RNF126: variants seen among roughly 807,000 people sequenced by gnomAD.
RNF126 encodes the protein E3 ubiquitin-protein ligase RNF126.
In RNF126, 20 loss-of-function variants were observed where a neutral mutation model predicts 41.9. The observed-to-expected ratio is 0.48, with a 90% CI of 0.34 to 0.69. The LOEUF (loss-of-function observed/expected upper bound fraction) is 0.69, where lower values mean the gene tolerates loss of function less well. RNF126 is among the 30% of genes least tolerant of loss of function. The pLI is 0.01. For missense variants in RNF126, 433 were observed against 460.6 expected, an observed-to-expected ratio of 0.94 and a Z score of 0.55; for synonymous variants, 239 against 202.9, an observed-to-expected ratio of 1.18 and a Z score of -1.51.
intron 1 of RNF126, among the ~76,000 whole-genome samples, chr19:658,814 C>G (rs1168615025): frequency 6.6e-6 from 1 of 152,214 alleles, no homozygotes; most frequent in East Asian, 1.9e-4. Flanking sequence ...CTTCAGGCAC[C>G]ACCACTAGGG....
At chr19:654,169 C>T (rs1413466413) in intron 1 of RNF126, among the ~76,000 whole-genome samples, 1 of 152,226 alleles carries the variant, frequency 6.6e-6, no homozygotes, top group Non-Finnish European at 1.5e-5. Context: ...CACTGAAGCA[C>T]AGGCTGGGTG....
chr19:663,131 C>A lies in RNF126; in HGVS notation c.-10G>T. The A allele has an allele frequency of 8.1e-7, 1 of 1,239,842 alleles. No homozygotes were observed. The highest frequency in any genetic ancestry group is 1.0e-6 in the Non-Finnish European group (1 of 986,250). The allele number at this position is 1,239,842 out of a possible 1,614,324, so 76.8% of individuals were successfully genotyped here. On this transcript the variant is annotated 5_prime_UTR_variant, in exon 1 of 9. Coordinates refer to ENST00000292363, the MANE Select transcript of RNF126 (RefSeq NM_194460.3). The stretch of plus-strand genomic sequence containing the variant: ...GCGACGCCTCGGCCATGGCCGCCGC[C>A]ACCTACTCCGCGCCGCCCGCCCCCC...
intron 1 of RNF126, among the ~76,000 whole-genome samples, chr19:656,356 A>G (rs1241696103): frequency 6.6e-6 from 1 of 151,986 alleles, no homozygotes; most frequent in Non-Finnish European, 1.5e-5. Context: ...AAAAAGAAAG[A>G]AACAAAGAAA....
At chr19:654,556 T>C (rs942378255) in intron 1 of RNF126, among the ~76,000 whole-genome samples, 2 of 136,918 alleles carry the variant, frequency 1.5e-5, no homozygotes, top group East Asian at 2.3e-4. Context: ...GGCAGGAGAA[T>C]TGCTTGAGCC....
rs376030251 is a variant in RNF126 at position 652,035 on chromosome 19, G to A, written c.199-180C>T. ...CTGCCCCGCTGGTGTGAGATGCCTC[G>A]GTGGAAGTTTCGCTTTCATCCAAGA... is the stretch of plus-strand genomic sequence containing the variant. On this transcript the variant is annotated intron_variant, in intron 3 of 8. Coordinates refer to ENST00000292363, the MANE Select transcript of RNF126 (RefSeq NM_194460.3). 152 of 690,694 alleles carry A rather than the reference G, an allele frequency of 2.2e-4. 1 individual carries two copies. The East Asian group carries it at 3.5e-3, about 16-fold the overall frequency. The allele number at this position is 690,694 out of a possible 1,614,324, so 42.8% of individuals were successfully genotyped here.
chr19:654,742 G>A (rs181797268), intron 1 of RNF126, among the ~76,000 whole-genome samples: 51 of 147,902 alleles, frequency 3.4e-4, no homozygotes, highest in African/African-American at 1.3e-3. Context: ...CGAGGCAGGC[G>A]AATCACCTGA....
intron 1 of RNF126, among the ~76,000 whole-genome samples, chr19:654,406 G>T (rs1568192591): frequency 6.6e-6 from 1 of 152,310 alleles, no homozygotes; most frequent in East Asian, 1.9e-4. Flanking sequence ...ACTTCGGGAG[G>T]CCGAGGCGGG....
Position 651,784 on chromosome 19 carries a change from G to C in RNF126, c.270C>G (p.Ser90Arg). The change falls in exon 4 of 9, where the codon AGC becomes AGG. Residue 90 changes from serine (S) to arginine (R), a missense_variant. Physicochemically the swap from Ser to Arg is moderately radical, Grantham distance 110. This residue lies in a region of RNF126 where 247 missense variants were observed against 224.7 expected (regional missense o/e 1.10). Coordinates refer to ENST00000292363, the MANE Select transcript of RNF126 (RefSeq NM_194460.3). The stretch of plus-strand genomic sequence containing the variant: ...CAGGAGGGAACGTGGGGATCTCGAA[G>C]CTGTCATCGAAGATGCCGAAAGCAA... The part of the protein sequence containing the change: ...GQFAFGIFDD[S>R]FEIPTFPPGA... 6.2e-7 allele frequency: 1 copy of C among 1,612,816 alleles called. No individual in the cohort carries two copies. Among genetic ancestry groups the C allele is most frequent in the Non-Finnish European group, 8.5e-7 (1 of 1,179,870 alleles).
At chr19:654,524 T>C (rs1041205618) in intron 1 of RNF126, among the ~76,000 whole-genome samples, 10 of 150,248 alleles carry the variant, frequency 6.7e-5, no homozygotes, top group African/African-American at 9.9e-5. Context: ...GCGCCTGTAA[T>C]CCCAGCTACT....
At chr19:661,882 G>T (rs762721857) in intron 1 of RNF126, among the ~76,000 whole-genome samples, 2 of 152,158 alleles carry the variant, frequency 1.3e-5, no homozygotes, top group Non-Finnish European at 2.9e-5. Flanking sequence ...CCTCAAGCTG[G>T]CCAAGCGGCT....
chr19:652,890 G>A lies in RNF126; in HGVS notation c.76-6C>T, dbSNP rs1205825896. The A allele has an allele frequency of 2.5e-6, 4 of 1,611,786 alleles. No individual in the cohort carries two copies. The African/African-American group carries it at 5.3e-5, about 22-fold the overall frequency. On this transcript the variant is annotated splice_polypyrimidine_tract_variant and splice_region_variant and intron_variant, in intron 1 of 8. Coordinates refer to ENST00000292363, the MANE Select transcript of RNF126 (RefSeq NM_194460.3). ...CATCTTGGACAGATATAATCCTGCA[G>A]GAGAGAACAGGAGGCCGGGTCACGG... is the stretch of plus-strand genomic sequence containing the variant.
intron 1 of RNF126, among the ~76,000 whole-genome samples, chr19:656,729 T>C (rs1442560596): frequency 2.0e-5 from 3 of 152,218 alleles, no homozygotes; most frequent in Admixed American, 2.0e-4. Context: ...GTGGGAGCAG[T>C]GTGGCTCTGC....
chr19:663,043 T>C lies in RNF126; in HGVS notation c.75+4A>G. On this transcript the variant is annotated splice_donor_region_variant and intron_variant, in intron 1 of 8. Transcript: ENST00000292363. ...GCCGCCCGCCGCCCCGGCCCGGGCC[T>C]CACCGGCAGGCGCGGGACGATCTCC... is the stretch of plus-strand genomic sequence containing the variant. 2 of 1,361,712 alleles carry C rather than the reference T, an allele frequency of 1.5e-6. No individual in the cohort carries two copies. The highest frequency in any genetic ancestry group is 3.1e-5 in the South Asian group (2 of 63,746). The allele number at this position is 1,361,712 out of a possible 1,614,324, so 84.4% of individuals were successfully genotyped here.
intron 1 of RNF126, among the ~76,000 whole-genome samples, chr19:653,116 G>A (rs547479140): frequency 3.1e-4 from 46 of 150,664 alleles, no homozygotes; most frequent in Middle Eastern, 6.9e-3. Context: ...CCTCCGACCT[G>A]GCCCCACCGT....
chr19:661,071 G>A (rs911485292), intron 1 of RNF126, among the ~76,000 whole-genome samples: 3 of 152,260 alleles, frequency 2.0e-5, no homozygotes, highest in African/African-American at 7.2e-5. Context: ...TGAGGGCAAA[G>A]ACCACAGCGG....
chr19:651,575 G>A (rs769259105), intron 4 of RNF126, 36 bp downstream of exon 4: 63 of 1,388,970 alleles, frequency 4.5e-5, no homozygotes, highest in South Asian at 8.1e-5. Context: ...ACCTCAAGGC[G>A]TGGGGCCCTC....
At chr19:658,123 C>G (rs1161481380) in intron 1 of RNF126, among the ~76,000 whole-genome samples, 1 of 152,052 alleles carries the variant, frequency 6.6e-6, no homozygotes, top group East Asian at 1.9e-4. Context: ...GGTACGATCA[C>G]CCGGCATCAT....
chr19:650,700 C>A (rs1600630207), intron 4 of RNF126: 1 of 148,580 alleles, frequency 6.7e-6, no homozygotes, highest in East Asian at 2.1e-4. Context: ...TCAAGTGATT[C>A]TCCTGCCTCA....
intron 4 of RNF126, chr19:651,287 C>T (rs1377329605): frequency 3.2e-5 from 7 of 218,168 alleles, no homozygotes; most frequent in Non-Finnish European, 4.5e-5. Flanking sequence ...GGCCCTGCGA[C>T]GGCTCCCCCA....
Sources: gnomAD v4.1 joint callset for allele counts (sites outside exome capture counted in the v4.1 genomes callset) on GRCh38, gnomAD v4.1.1 for gene constraint, gnomAD v4.1.1 regional missense constraint, MANE v1.5 for transcripts, NCBI Gene and HGNC (gene_info 2026-07-23, HGNC 2026-07-21) for gene names.